The following PNMA2 variants were observed in gnomAD, a reference collection of about 807,000 sequenced individuals.
The protein encoded by PNMA2 is paraneoplastic antigen Ma2.
For synonymous variants in PNMA2, 175 were observed against 183.5 expected (o/e 0.95, Z 0.38); for missense variants, 455 against 452.9 (o/e 1.00, Z -0.04).
At position 26,507,933 on chromosome 8, in the gene PNMA2, G is replaced by A. The variant is rs895999950; in HGVS notation, c.823C>T (p.Leu275=). 1.9e-6 allele frequency: 3 copies of A among 1,614,176 alleles called. No individual in the cohort carries two copies. Among genetic ancestry groups the A allele is most frequent in the Non-Finnish European group, 2.5e-6 (3 of 1,180,054 alleles). The part of the protein sequence containing the change: ...VSAYVLRLET[L]LRRAVEKRAI... Reference sequence around the variant, plus strand: ...CGTTTCTCCACCGCTCTCCGGAGCAGGGTTTCTAGCCGTAACACATAGGCT... The same window carrying A: ...CGTTTCTCCACCGCTCTCCGGAGCAAGGTTTCTAGCCGTAACACATAGGCT... Residue 275 remains leucine, a synonymous_variant, in exon 3 of 3, where the codon CTG becomes TTG. Coordinates refer to ENST00000522362, the MANE Select transcript of PNMA2 (RefSeq NM_007257.6).
rs978360894 is a variant in PNMA2 at position 26,505,042 on chromosome 8, C to T, written c.*2619G>A. 9 of 152,376 alleles carry T rather than the reference C, an allele frequency of 5.9e-5. No individual in the cohort carries two copies. Among genetic ancestry groups the T allele is most frequent in the African/African-American group, 2.2e-4 (9 of 41,438 alleles). The allele number at this position is 152,376 out of a possible 1,614,324, so 9.4% of individuals were successfully genotyped here. The stretch of plus-strand genomic sequence containing the variant: ...GAGTCATCACAAATATAAAAAACAA[C>T]AAGCACTCAAATTTACAATAAGAGA... On this transcript the variant is annotated 3_prime_UTR_variant, in exon 3 of 3. Transcript: ENST00000522362.
chr8:26,510,683 C>G lies in PNMA2; in HGVS notation c.-618-1006G>C, dbSNP rs1266032065. Among the ~76,000 whole-genome samples the G allele has an allele frequency of 2.0e-5, 3 of 152,314 alleles. No individual in the cohort carries two copies. The East Asian group carries it at 5.8e-4, about 29-fold the overall frequency. On this transcript the variant is annotated intron_variant, in intron 1 of 2. Transcript: ENST00000522362. ...CAGCCTGGTCTCAAACTCCTGGGCT[C>G]AAGCAATCCTCCCGCCACAGCCTCT...
rs10113730 is a variant in PNMA2, at chr8:26,509,923, T to C, written c.-618-246A>G. ...ACTAAGTTAAATCGGGAATTATGAA[T>C]TAATTCTCTTTTGTTGTGTCTGGAA... On this transcript the variant is annotated intron_variant, in intron 1 of 2. Coordinates refer to ENST00000522362, the MANE Select transcript of PNMA2 (RefSeq NM_007257.6). The surrounding 1 kb of genome is among the most constrained non-coding windows in gnomAD (Gnocchi z 5.7). Among the ~76,000 whole-genome samples, 949 of 152,344 alleles carry C rather than the reference T, an allele frequency of 6.2e-3. 9 individuals are homozygous for C. Among genetic ancestry groups the C allele is most frequent in the African/African-American group, 0.022 (896 of 41,588 alleles).
rs776060695 is a variant in PNMA2, at chr8:26,507,983, T to C, written c.773A>G (p.Tyr258Cys). The C allele has an allele frequency of 1.2e-6, 2 of 1,614,112 alleles. No individual in the cohort carries two copies. The highest frequency in any genetic ancestry group is 1.3e-5 in the African/African-American group (1 of 74,956). Residue 258 changes from tyrosine (Y) to cysteine (C), a missense_variant, in exon 3 of 3, where the codon TAT becomes TGT. Physicochemically the swap from Tyr to Cys is radical, Grantham distance 194 (BLOSUM62 -2). Coordinates refer to ENST00000522362, the MANE Select transcript of PNMA2 (RefSeq NM_007257.6). Reference sequence around the variant, plus strand: ...TGAGACCTTCTCTCCTTCCTCCTGATAGGTCTTCAGATACCTCACCTGGGC... The same window carrying C: ...TGAGACCTTCTCTCCTTCCTCCTGACAGGTCTTCAGATACCTCACCTGGGC... ...RTAQVRYLKT[Y>C]QEEGEKVSAY...
rs746113624 is a variant in PNMA2, at chr8:26,508,168, T to C, written c.588A>G (p.Pro196=). The change falls in exon 3 of 3, where the codon CCA becomes CCG. Residue 196 remains proline (P), a synonymous_variant. Transcript: ENST00000522362. This position sits in a 1 kb window ranked among gnomAD's most constrained non-coding sequence, Gnocchi z 5.5. ...EQATEIVKEW[P]VTEAEKKRWL... ...ACCTTTTCTTTTCTGCCTCTGTTAC[T>C]GGCCACTCTTTGACTATCTCCGTGG... 4 of 1,614,224 alleles carry C rather than the reference T, an allele frequency of 2.5e-6. No individual in the cohort carries two copies. Among genetic ancestry groups the C allele is most frequent in the Non-Finnish European group, 2.5e-6 (3 of 1,180,038 alleles).
At chr8:26,511,093 A>T (rs1563369224) in intron 1 of PNMA2, among the ~76,000 whole-genome samples, 1 of 149,076 alleles carries the variant, frequency 6.7e-6, no homozygotes, top group Non-Finnish European at 1.5e-5. Flanking sequence ...CGGAAGTTGC[A>T]GTGAGCCACG....
In PNMA2 at chr8:26,508,062, C is replaced by A; in HGVS notation, c.694G>T (p.Glu232Ter). The A allele has an allele frequency of 6.2e-7, 1 of 1,614,248 alleles. No homozygotes were observed. The highest frequency in any genetic ancestry group is 8.5e-7 in the Non-Finnish European group (1 of 1,180,052). Residue 232 changes from glutamate to a stop codon, truncating the protein, a stop_gained, in exon 3 of 3, where the codon GAG (glutamate) becomes TAG (stop). Transcript: ENST00000522362. LOFTEE classifies it low-confidence loss of function (END_TRUNC). The surrounding 1 kb of genome is among the most constrained non-coding windows in gnomAD (Gnocchi z 5.5). ...ACTTGCTTAAAGGCCTCCAAACACT[C>A]TTCTACACTGATGGACGGGTTGTCT... ...QADNPSISVE[E>*]CLEAFKQVFG...
chr8:26,512,444 A>C (rs1808177516), intron 1 of PNMA2, among the ~76,000 whole-genome samples: 2 of 152,164 alleles, frequency 1.3e-5, no homozygotes, highest in Admixed American at 1.3e-4. Context: ...TCAAATTGCG[A>C]CTGATTGTCC....
At chr8:26,510,198 C>T (rs1177996648) in intron 1 of PNMA2, among the ~76,000 whole-genome samples, 1 of 152,118 alleles carries the variant, frequency 6.6e-6, no homozygotes, top group East Asian at 1.9e-4. Flanking sequence ...ACTGCCACCT[C>T]CCTCCCCTCA....
At chr8:26,512,808 ATTGCCCCCTGGTTAC>A (rs961602581) in intron 1 of PNMA2, 1 of 152,302 alleles carries the variant, frequency 6.6e-6, no homozygotes, top group Non-Finnish European at 1.5e-5. Flanking sequence ...CACAAATCTA[ATTGCCCCCTGGTTAC>A]TTACCAACCC....
At position 26,508,264 on chromosome 8, in the gene PNMA2, T is replaced by C; in HGVS notation, c.492A>G (p.Lys164=). Residue 164 remains lysine (K), a synonymous_variant, in exon 3 of 3, where the codon AAA becomes AAG. Transcript: ENST00000522362. The surrounding 1 kb of genome is among the most constrained non-coding windows in gnomAD (Gnocchi z 5.5). The stretch of plus-strand genomic sequence containing the variant: ...CAGCACTCCCTGAGAATACTCGCAG[T>C]TTCCGGTATCTCATGGGTAGCAGGG... The part of the protein sequence containing the change: ...PQPLLPMRYR[K]LRVFSGSAVP... 2 of 1,600,562 alleles carry C rather than the reference T, an allele frequency of 1.2e-6. No homozygotes were observed. The highest frequency in any genetic ancestry group is 1.7e-6 in the Non-Finnish European group (2 of 1,173,080).
Position 26,508,164 on chromosome 8 carries a change from T to C in PNMA2, c.592A>G (p.Thr198Ala), listed in dbSNP as rs778505815. The C allele has an allele frequency of 2.5e-6, 4 of 1,614,248 alleles. No homozygotes were observed. The South Asian group carries it at 4.4e-5, about 18-fold the overall frequency. The stretch of plus-strand genomic sequence containing the variant: ...AGCCACCTTTTCTTTTCTGCCTCTG[T>C]TACTGGCCACTCTTTGACTATCTCC... ...ATEIVKEWPV[T>A]EAEKKRWLAE... The change falls in exon 3 of 3, where the codon ACA becomes GCA. Residue 198 changes from threonine (T) to alanine (A), a missense_variant. By Grantham distance (58) the Thr-to-Ala change is moderately conservative. Transcript: ENST00000522362. This position sits in a 1 kb window ranked among gnomAD's most constrained non-coding sequence, Gnocchi z 5.5.
In PNMA2 at chr8:26,507,995, T is replaced by A. The variant is rs974533123; in HGVS notation, c.761A>T (p.Tyr254Phe). The A allele has an allele frequency of 1.2e-6, 2 of 1,614,114 alleles. No homozygotes were observed. Among genetic ancestry groups the A allele is most frequent in the East Asian group, 2.2e-5 (1 of 44,892 alleles). The stretch of plus-strand genomic sequence containing the variant: ...TCCTTCCTCCTGATAGGTCTTCAGA[T>A]ACCTCACCTGGGCTGTCCTGCGGCT... ...LESRRTAQVR[Y>F]LKTYQEEGEK... The change falls in exon 3 of 3, where the codon TAT becomes TTT. Residue 254 changes from tyrosine (Y) to phenylalanine (F), a missense_variant. Tyr to Phe is a conservative substitution (Grantham distance 22, BLOSUM62 3). Transcript: ENST00000522362.
chr8:26,508,190 G>T lies in PNMA2; in HGVS notation c.566C>A (p.Thr189Lys), dbSNP rs761684421. 9.3e-6 allele frequency: 15 copies of T among 1,613,758 alleles called. No individual in the cohort carries two copies. Among genetic ancestry groups the T allele is most frequent in the Non-Finnish European group, 1.3e-5 (15 of 1,179,850 alleles). ...TACTGGCCACTCTTTGACTATCTCC[G>T]TGGCCTGTTCCAACCAGACCTCAAA... ...ESFEVWLEQA[T>K]EIVKEWPVTE... The change falls in exon 3 of 3, where the codon ACG (threonine) becomes AAG (lysine). Residue 189 changes from threonine to lysine, a missense_variant. Transcript: ENST00000522362. The surrounding 1 kb of genome is among the most constrained non-coding windows in gnomAD (Gnocchi z 5.5).
chr8:26,512,961 C>T (rs1808189016), intron 1 of PNMA2: 1 of 152,278 alleles, frequency 6.6e-6, no homozygotes, highest in South Asian at 2.1e-4. Context: ...GATGCGCACC[C>T]GCACTTACTC....
chr8:26,512,479 A>C (rs1238706766), intron 1 of PNMA2, among the ~76,000 whole-genome samples: 1 of 152,068 alleles, frequency 6.6e-6, no homozygotes, highest in African/African-American at 2.4e-5. Flanking sequence ...TATTCACCAA[A>C]CTATCTCTCA....
At position 26,508,932 on chromosome 8, in the gene PNMA2, C is replaced by T; in HGVS notation, c.-177G>A. 6.9e-7 allele frequency: 1 copy of T among 1,440,684 alleles called. No homozygotes were observed. Among genetic ancestry groups the T allele is most frequent in the Non-Finnish European group, 9.1e-7 (1 of 1,097,644 alleles). The allele number at this position is 1,440,684 out of a possible 1,614,324, so 89.2% of individuals were successfully genotyped here. On this transcript the variant is annotated 5_prime_UTR_variant, in exon 3 of 3. Transcript: ENST00000522362. The surrounding 1 kb of genome is among the most constrained non-coding windows in gnomAD (Gnocchi z 5.5). ...TCACAAAGTTTTCTGGACAAATGACCCTGGCCTACTCAGTGGCAAGAACTC... is the reference window on the plus strand; with the variant it reads ...TCACAAAGTTTTCTGGACAAATGACTCTGGCCTACTCAGTGGCAAGAACTC...
rs1808100765 is a variant in PNMA2, at chr8:26,508,913, A to C, written c.-158T>G. 1 of 1,473,974 alleles carries C rather than the reference A, an allele frequency of 6.8e-7. No individual in the cohort carries two copies. The allele number at this position is 1,473,974 out of a possible 1,614,324, so 91.3% of individuals were successfully genotyped here. On this transcript the variant is annotated 5_prime_UTR_variant, in exon 3 of 3. Transcript: ENST00000522362. This position sits in a 1 kb window ranked among gnomAD's most constrained non-coding sequence, Gnocchi z 5.5. ...CTAGGTCACTCAAAGACAGTCACAAAGTTTTCTGGACAAATGACCCTGGCC... is the reference window on the plus strand; with the variant it reads ...CTAGGTCACTCAAAGACAGTCACAACGTTTTCTGGACAAATGACCCTGGCC...
At chr8:26,513,738 G>C (rs780995736) in intron 1 of PNMA2, 78 bp downstream of exon 1, 1 of 152,776 alleles carries the variant, frequency 6.5e-6, no homozygotes, top group Non-Finnish European at 1.5e-5. Flanking sequence ...CCTGGGCCAG[G>C]CAGGTGGAGG....
Sources: allele counts gnomAD v4.1 joint callset (sites outside exome capture counted in the v4.1 genomes callset), GRCh38; gene constraint gnomAD v4.1.1; non-coding constraint Gnocchi (gnomAD v3.1); transcripts MANE v1.5; gene names NCBI Gene and HGNC (gene_info 2026-07-23, HGNC 2026-07-21).